Variants in ZP3 observed in about 807,000 individuals in gnomAD.
ZP3 encodes zona pellucida sperm-binding protein 3.
Under a neutral mutation model 35.6 loss-of-function variants are expected in ZP3, and 21 were observed. The observed-to-expected ratio is 0.59, with a 90% CI of 0.42 to 0.85. The LOEUF (loss-of-function observed/expected upper bound fraction) is 0.85. ZP3 is among the 40% of genes least tolerant of loss of function. The pLI is 0.00. For synonymous variants in ZP3, 207 were observed against 214.5 expected (o/e 0.96, Z 0.31); for missense variants, 437 against 536.5 (o/e 0.81, Z 1.83).
intron 5 of ZP3, 113 bp from the exon 6 acceptor site, chr7:76,440,137 G>A (rs1342332209): frequency 2.7e-6 from 4 of 1,473,594 alleles, no homozygotes; most frequent in African/African-American, 2.8e-5. Flanking sequence ...GTGTGCCAAT[G>A]CACCCGGCCC....
intron 1 of ZP3, among the ~76,000 whole-genome samples, chr7:76,417,384 C>T (rs928967304): frequency 1.3e-4 from 19 of 151,518 alleles, no homozygotes; most frequent in African/African-American, 4.4e-4. Flanking sequence ...TCATTGCATC[C>T]CTTACTGTGC....
At chr7:76,435,393 G>A (rs1315238795) in intron 5 of ZP3, among the ~76,000 whole-genome samples, 1 of 152,260 alleles carries the variant, frequency 6.6e-6, no homozygotes, top group East Asian at 1.9e-4. Context: ...GACCTCAGGT[G>A]ATCCGCCTGC....
chr7:76,401,113 C>A, intron 1 of ZP3: 2 of 1,472,066 alleles, frequency 1.4e-6, no homozygotes, highest in African/African-American at 2.9e-5. Flanking sequence ...AGGAACACAC[C>A]CCCCAACTCC....
chr7:76,401,060 A>T (rs959549134), intron 1 of ZP3: 1 of 1,541,484 alleles, frequency 6.5e-7, no homozygotes, highest in Non-Finnish European at 8.8e-7. Context: ...CAGAGTGAGG[A>T]AGAGCATTGG....
intron 1 of ZP3, chr7:76,400,291 C>T (rs1804773548): frequency 6.8e-7 from 1 of 1,479,810 alleles, no homozygotes; most frequent in African/African-American, 1.4e-5. Flanking sequence ...CTCACCATCA[C>T]ACAGGACAGC....
intron 1 of ZP3, among the ~76,000 whole-genome samples, chr7:76,427,250 C>G (rs1326375893): frequency 6.6e-6 from 1 of 151,696 alleles, no homozygotes; most frequent in Non-Finnish European, 1.5e-5. Context: ...TGCGCAGTGG[C>G]TCACGCCTGT....
chr7:76,416,810 C>CTA (rs1181250451), intron 1 of ZP3, among the ~76,000 whole-genome samples: 2 of 135,030 alleles, frequency 1.5e-5, no homozygotes, highest in Non-Finnish European at 3.2e-5. Flanking sequence ...CTCTCTCTCT[C>CTA]TCTCTCTATA....
intron 1 of ZP3, chr7:76,409,326 C>CTG (rs1805163424): frequency 1.9e-3 from 4 of 2,086 alleles, no homozygotes; most frequent in African/African-American, 3.1e-3. Context: ...CTCTGTCTCA[C>CTG]ACACACACAC....
At chr7:76,423,918 T>G (rs1805581244), upstream of ZP3, among the ~76,000 whole-genome samples, 1 of 151,394 alleles carries the variant, frequency 6.6e-6, no homozygotes, top group Non-Finnish European at 1.5e-5. Context: ...GCTTCTGCTG[T>G]GTCTCAGTAT....
At chr7:76,432,899 G>A (rs747453621) in intron 2 of ZP3, 28 bp from the exon 3 acceptor site, 12 of 1,590,208 alleles carry the variant, frequency 7.5e-6, no homozygotes, top group African/African-American at 1.3e-5. Context: ...CCTGAGGCAG[G>A]TGTGCACAGC....
At chr7:76,424,946 C>T (rs1008039405), upstream of ZP3, 8 of 1,504,618 alleles carry the variant, frequency 5.3e-6, no homozygotes, top group South Asian at 1.2e-5. Flanking sequence ...AGGCGGCTGC[C>T]TGCTGCTCTG....
chr7:76,424,844 A>G (rs1805599233), upstream of ZP3: 2 of 944,556 alleles, frequency 2.1e-6, no homozygotes, highest in Non-Finnish European at 1.5e-6. Flanking sequence ...ACTTTATGCA[A>G]CAAGGGCCCA....
At chr7:76,410,920 G>A (rs1436920853) in intron 1 of ZP3, among the ~76,000 whole-genome samples, 9 of 150,966 alleles carry the variant, frequency 6.0e-5, no homozygotes, top group African/African-American at 2.0e-4. Flanking sequence ...GCCTGAACCC[G>A]GGAGGTGGAG....
intron 4 of ZP3, 44 bp downstream of exon 4, chr7:76,433,691 G>T: frequency 6.4e-7 from 1 of 1,554,530 alleles, no homozygotes; most frequent in Non-Finnish European, 8.7e-7. Context: ...CTAGCAAAAT[G>T]ACCCTAAAGC....
At chr7:76,403,444 TCTC>T (rs1182777787) in intron 1 of ZP3, among the ~76,000 whole-genome samples, 7 of 150,838 alleles carry the variant, frequency 4.6e-5, no homozygotes, top group Non-Finnish European at 8.9e-5. Context: ...TTCAAACAAT[TCTC>T]CTGCCTCAGC....
At chr7:76,400,967 C>A (rs377248126) in intron 1 of ZP3, 2 of 1,550,670 alleles carry the variant, frequency 1.3e-6, no homozygotes, top group Non-Finnish European at 1.7e-6. Flanking sequence ...GAGTACCTGG[C>A]GGACAGGTGA....
At chr7:76,410,831 C>T (rs1486730282) in intron 1 of ZP3, among the ~76,000 whole-genome samples, 1 of 151,370 alleles carries the variant, frequency 6.6e-6, no homozygotes, top group African/African-American at 2.4e-5. Flanking sequence ...CCCGTCTCTA[C>T]TAAAAATACA....
intron 1 of ZP3, among the ~76,000 whole-genome samples, chr7:76,417,501 A>C (rs1805405440): frequency 6.6e-6 from 1 of 152,152 alleles, no homozygotes; most frequent in Non-Finnish European, 1.5e-5. Context: ...ATGTATGTAT[A>C]TGTGTCTGGC....
intron 5 of ZP3, among the ~76,000 whole-genome samples, chr7:76,436,111 G>A (rs1354263939): frequency 8.6e-6 from 1 of 116,362 alleles, no homozygotes; most frequent in Non-Finnish European, 1.6e-5. Flanking sequence ...GAGTACAGTG[G>A]CCCAATCTTA....
Sources: allele counts gnomAD v4.1 joint callset (sites outside exome capture counted in the v4.1 genomes callset), GRCh38; gene constraint gnomAD v4.1.1; transcripts MANE v1.5; gene names NCBI Gene and HGNC (gene_info 2026-07-23, HGNC 2026-07-21).